TMEM132D: variants seen among roughly 807,000 people sequenced by gnomAD.
TMEM132D encodes mature OL transmembrane protein.
Under a neutral mutation model 62.3 loss-of-function variants are expected in TMEM132D, and 21 were observed. The observed-to-expected ratio is 0.34, with a 90% CI of 0.24 to 0.49. The LOEUF is 0.49. Ranked by LOEUF, TMEM132D falls within the 20% of genes least tolerant of loss-of-function variation. The pLI is 0.99. For synonymous variants in TMEM132D, 621 were observed against 575.6 expected (o/e 1.08, Z -1.13); for missense variants, 1,346 against 1,402.8 (o/e 0.96, Z 0.65).
chr12:129,470,933 A>G (rs1243952487), intron 3 of TMEM132D, among the ~76,000 whole-genome samples: 2 of 152,306 alleles, frequency 1.3e-5, no homozygotes, highest in East Asian at 1.9e-4. Flanking sequence ...AGAAAGAAGT[A>G]GAAGAGAGTA....
intron 3 of TMEM132D, among the ~76,000 whole-genome samples, chr12:129,445,397 A>G (rs1288097216): frequency 6.6e-6 from 1 of 152,152 alleles, no homozygotes; most frequent in African/African-American, 2.4e-5. Context: ...AATCTCCACA[A>G]CAAACCCCCA....
intron 3 of TMEM132D, among the ~76,000 whole-genome samples, chr12:129,481,273 C>T (rs1362598530): frequency 4.6e-5 from 7 of 151,970 alleles, no homozygotes; most frequent in African/African-American, 1.7e-4. Context: ...TCAGTTGAGA[C>T]CAAAGTGGGT....
intron 2 of TMEM132D, among the ~76,000 whole-genome samples, chr12:129,591,658 AAAT>A (rs898519566): frequency 2.0e-5 from 3 of 151,974 alleles, no homozygotes; most frequent in African/African-American, 4.8e-5. Context: ...TGATAGCAAA[AAAT>A]AATAATAATA....
intron 1 of TMEM132D, among the ~76,000 whole-genome samples, chr12:129,793,994 A>C (rs1871478251): frequency 6.6e-6 from 1 of 152,060 alleles, no homozygotes; most frequent in African/African-American, 2.4e-5. Context: ...ATACATACAC[A>C]CACATATTGG....
intron 3 of TMEM132D, among the ~76,000 whole-genome samples, chr12:129,498,277 G>A (rs533908190): frequency 6.6e-6 from 1 of 152,140 alleles, no homozygotes; most frequent in East Asian, 1.9e-4. Context: ...TTTTTGAGAT[G>A]GAGTCTCACT....
chr12:129,152,033 A>T (rs1877088990), intron 5 of TMEM132D, among the ~76,000 whole-genome samples: 1 of 152,098 alleles, frequency 6.6e-6, no homozygotes. Context: ...GCCCGCCATC[A>T]TGCCCAGCTA....
At chr12:129,758,125 G>A (rs191451469) in intron 1 of TMEM132D, among the ~76,000 whole-genome samples, 6 of 152,086 alleles carry the variant, frequency 3.9e-5, no homozygotes, top group Non-Finnish European at 5.9e-5. Context: ...GGCTGGTCTC[G>A]AACTCCCGAC....
chr12:129,388,144 ATGAGTC>A (rs1368018925), intron 3 of TMEM132D, among the ~76,000 whole-genome samples: 52 of 128,092 alleles, frequency 4.1e-4, no homozygotes, highest in Non-Finnish European at 6.2e-4. Flanking sequence ...GAACACTAAC[ATGAGTC>A]CTAATATAAA....
chr12:129,265,070 A>C (rs892098941), intron 4 of TMEM132D, among the ~76,000 whole-genome samples: 2 of 152,172 alleles, frequency 1.3e-5, no homozygotes, highest in Non-Finnish European at 2.9e-5. Context: ...TGGAAAAAAA[A>C]ATCCTCCAAA....
At chr12:129,337,194 G>T (rs1869310171) in intron 4 of TMEM132D, among the ~76,000 whole-genome samples, 1 of 152,056 alleles carries the variant, frequency 6.6e-6, no homozygotes, top group Non-Finnish European at 1.5e-5. Flanking sequence ...TGGTCTGGGG[G>T]ACCAGGCGGG....
chr12:129,383,496 C>A (rs1453487410), intron 3 of TMEM132D, among the ~76,000 whole-genome samples: 1 of 152,186 alleles, frequency 6.6e-6, no homozygotes, highest in Non-Finnish European at 1.5e-5. Context: ...GTTGCCCAGG[C>A]TGGCATGGAG....
chr12:129,760,499 C>T (rs547642043), intron 1 of TMEM132D, among the ~76,000 whole-genome samples: 1 of 151,800 alleles, frequency 6.6e-6, no homozygotes, highest in African/African-American at 2.4e-5. Flanking sequence ...TACAGGCGCC[C>T]GCCTCCACGC....
intron 1 of TMEM132D, among the ~76,000 whole-genome samples, chr12:129,878,107 C>A (rs1325750458): frequency 6.6e-6 from 1 of 152,138 alleles, no homozygotes. Context: ...TTTATTTAAA[C>A]AATAAATGGC....
intron 2 of TMEM132D, among the ~76,000 whole-genome samples, chr12:129,683,312 T>G (rs1396970934): frequency 6.6e-6 from 1 of 152,332 alleles, no homozygotes; most frequent in East Asian, 1.9e-4. Flanking sequence ...TTAACCTTTT[T>G]TGTATTTCAG....
At chr12:129,517,675 C>T (rs1255806262) in intron 3 of TMEM132D, among the ~76,000 whole-genome samples, 1 of 152,172 alleles carries the variant, frequency 6.6e-6, no homozygotes, top group Admixed American at 6.5e-5. Flanking sequence ...TTTCCTTCCC[C>T]ATGCAAAATT....
intron 3 of TMEM132D, among the ~76,000 whole-genome samples, chr12:129,395,690 T>C (rs1191686404): frequency 1.8e-5 from 2 of 109,916 alleles, no homozygotes; most frequent in East Asian, 3.5e-4. Context: ...TATATGTATA[T>C]CTACATAGAT....
At chr12:129,624,616 C>G (rs999128028) in intron 2 of TMEM132D, among the ~76,000 whole-genome samples, 1 of 152,272 alleles carries the variant, frequency 6.6e-6, no homozygotes, top group African/African-American at 2.4e-5. Flanking sequence ...AGGAGATGGG[C>G]AGACACCCAG....
At chr12:129,359,120 G>A (rs573651352) in intron 3 of TMEM132D, among the ~76,000 whole-genome samples, 34 of 152,290 alleles carry the variant, frequency 2.2e-4, no homozygotes, top group Admixed American at 9.1e-4. Flanking sequence ...CCGAGTCATA[G>A]TACTGCATAA....
intron 5 of TMEM132D, among the ~76,000 whole-genome samples, chr12:129,134,148 CTGTGTCTGTGTG>C (rs1258560025): frequency 5.1e-5 from 6 of 117,488 alleles, no homozygotes; most frequent in African/African-American, 1.1e-4. Context: ...GTGTGTGTGT[CTGTGTCTGTGTG>C]TGTGTCTGTG....
Sources: gnomAD v4.1 joint callset for allele counts (sites outside exome capture counted in the v4.1 genomes callset) on GRCh38, gnomAD v4.1.1 for gene constraint, MANE v1.5 for transcripts, NCBI Gene and HGNC (gene_info 2026-07-23, HGNC 2026-07-21) for gene names.